Variants in SLC2A12 observed in about 807,000 individuals in gnomAD.
The protein encoded by SLC2A12 is solute carrier family 2 member 12.
Under a neutral mutation model 41.8 loss-of-function variants are expected in SLC2A12, and 23 were observed. That is an observed-to-expected ratio of 0.55 (90% confidence interval 0.40 to 0.78). The LOEUF is 0.78. SLC2A12 is among the 30% of genes least tolerant of loss of function. The pLI is 0.00. For missense variants in SLC2A12, 654 were observed against 745.6 expected, an observed-to-expected ratio of 0.88 and a Z score of 1.43; for synonymous variants, 295 against 285.9, an observed-to-expected ratio of 1.03 and a Z score of -0.32.
intron 1 of SLC2A12, among the ~76,000 whole-genome samples, chr6:134,038,708 T>TG (rs1411126008): frequency 7.6e-6 from 1 of 131,336 alleles, no homozygotes. Flanking sequence ...TCCTTTTTTT[T>TG]TTTTTTTTTT....
At chr6:133,998,132 A>G (rs1354663060) in intron 4 of SLC2A12, among the ~76,000 whole-genome samples, 1 of 152,214 alleles carries the variant, frequency 6.6e-6, no homozygotes, top group Non-Finnish European at 1.5e-5. Flanking sequence ...TTTCAAAAAC[A>G]TTTCCTAAGT....
intron 1 of SLC2A12, among the ~76,000 whole-genome samples, chr6:134,036,252 AC>A (rs1380870729): frequency 4.6e-5 from 7 of 151,454 alleles, no homozygotes; most frequent in African/African-American, 1.7e-4. Flanking sequence ...AGACACCCCC[AC>A]CCCCACTTCA....
intron 4 of SLC2A12, among the ~76,000 whole-genome samples, chr6:133,997,284 C>T (rs771361434): frequency 4.0e-4 from 60 of 151,802 alleles, no homozygotes; most frequent in African/African-American, 1.1e-3. Flanking sequence ...TACCATGTGA[C>T]GCAGCAATCT....
chr6:134,052,573 T>G lies in SLC2A12; in HGVS notation c.-93A>C. The G allele has an allele frequency of 2.0e-4, 166 of 840,508 alleles. No homozygotes were observed. Among genetic ancestry groups the G allele is most frequent in the Non-Finnish European group, 2.9e-4 (151 of 520,040 alleles). The allele number at this position is 840,508 out of a possible 1,614,324, so 52.1% of individuals were successfully genotyped here. A position where few individuals can be genotyped will look rare whatever the true frequency, so the allele number is the denominator to read the frequency against. On this transcript the variant is annotated 5_prime_UTR_variant, in exon 1 of 5. Coordinates refer to ENST00000275230, the MANE Select transcript of SLC2A12 (RefSeq NM_145176.3). Reference sequence around the variant, plus strand: ...GGTCACTTTCCCCATAATAGCATGCTAAAGAAGAGTGTGGGGAAAAACTTC... The same window carrying G: ...GGTCACTTTCCCCATAATAGCATGCGAAAGAAGAGTGTGGGGAAAAACTTC...
intron 1 of SLC2A12, among the ~76,000 whole-genome samples, chr6:134,044,843 C>T (rs1482026092): frequency 6.6e-6 from 1 of 151,502 alleles, no homozygotes; most frequent in African/African-American, 2.4e-5. Context: ...CTCTTTAGTT[C>T]AGCAATCGCT....
chr6:134,037,249 G>A (rs1401686297), intron 1 of SLC2A12, among the ~76,000 whole-genome samples: 1 of 145,174 alleles, frequency 6.9e-6, no homozygotes, highest in Non-Finnish European at 1.5e-5. Context: ...CTGCCTCCCA[G>A]GTTCAAGTGA....
chr6:134,045,204 T>C (rs1031517745), intron 1 of SLC2A12, among the ~76,000 whole-genome samples: 77 of 152,306 alleles, frequency 5.1e-4, no homozygotes, highest in African/African-American at 1.9e-3. Flanking sequence ...AAATACAAGT[T>C]ACATAAAAAG....
At chr6:134,016,958 A>G (rs918078450) in intron 2 of SLC2A12, among the ~76,000 whole-genome samples, 13 of 152,082 alleles carry the variant, frequency 8.5e-5, no homozygotes, top group African/African-American at 3.1e-4. Context: ...TTCTCTTAGG[A>G]AAACCATGAA....
intron 3 of SLC2A12, among the ~76,000 whole-genome samples, chr6:134,002,523 C>T (rs1007203543): frequency 4.6e-5 from 7 of 152,128 alleles, no homozygotes; most frequent in Non-Finnish European, 8.8e-5. Context: ...CACAGTTCCC[C>T]TCTTGGGAAT....
At chr6:134,016,409 T>G (rs1776963295) in intron 2 of SLC2A12, among the ~76,000 whole-genome samples, 1 of 151,758 alleles carries the variant, frequency 6.6e-6, no homozygotes, top group Non-Finnish European at 1.5e-5. Context: ...AAAAAAAAAA[T>G]TATGTGCAGG....
chr6:134,008,115 T>C (rs1483691227), intron 2 of SLC2A12, among the ~76,000 whole-genome samples: 2 of 152,190 alleles, frequency 1.3e-5, no homozygotes, highest in African/African-American at 4.8e-5. Flanking sequence ...ACCAATTACA[T>C]AATTTTATCC....
intron 2 of SLC2A12, among the ~76,000 whole-genome samples, chr6:134,023,305 G>A (rs937194372): frequency 3.3e-5 from 5 of 152,176 alleles, no homozygotes; most frequent in African/African-American, 7.2e-5. Context: ...GCAGATATAG[G>A]AAGGAAACCA....
chr6:134,023,321 G>C (rs1054190407), intron 2 of SLC2A12, among the ~76,000 whole-genome samples: 1 of 152,156 alleles, frequency 6.6e-6, no homozygotes. Context: ...AACCATAAAA[G>C]CAACAGCCGT....
intron 3 of SLC2A12, among the ~76,000 whole-genome samples, chr6:134,005,006 T>A (rs1017906794): frequency 6.6e-6 from 1 of 152,166 alleles, no homozygotes; most frequent in African/African-American, 2.4e-5. Context: ...CTATCGTTTT[T>A]AAAAAAATAA....
At chr6:134,037,208 G>A (rs1777314278) in intron 1 of SLC2A12, among the ~76,000 whole-genome samples, 1 of 138,056 alleles carries the variant, frequency 7.2e-6, no homozygotes, top group African/African-American at 2.8e-5. Context: ...AGGCTGGAGT[G>A]CAGTGGCGCG....
At position 134,052,600 on chromosome 6, in the gene SLC2A12, G is replaced by A. The variant is rs1333429407; in HGVS notation, c.-120C>T. 4.1e-6 allele frequency: 3 copies of A among 738,654 alleles called. No homozygotes were observed. The highest frequency in any genetic ancestry group is 3.5e-5 in the South Asian group (2 of 57,836). The allele number at this position is 738,654 out of a possible 1,614,324, so 45.8% of individuals were successfully genotyped here. On this transcript the variant is annotated 5_prime_UTR_variant, in exon 1 of 5. Transcript: ENST00000275230. ...AAGAAGAGTGTGGGGAAAAACTTCG[G>A]GCAAAGCTAATGTGATTTGTGACCA...
chr6:134,008,394 C>A (rs1449933085), intron 2 of SLC2A12, among the ~76,000 whole-genome samples: 3 of 152,150 alleles, frequency 2.0e-5, no homozygotes, highest in Admixed American at 2.0e-4. Context: ...TACAGGGTTA[C>A]CTTTCATGCA....
At chr6:134,047,051 A>G (rs1333205060) in intron 1 of SLC2A12, among the ~76,000 whole-genome samples, 3 of 152,254 alleles carry the variant, frequency 2.0e-5, no homozygotes, top group Admixed American at 1.3e-4. Context: ...TTTGAAGGGA[A>G]GAAGGGATGA....
intron 2 of SLC2A12, among the ~76,000 whole-genome samples, chr6:134,015,322 G>C (rs141180915): frequency 2.0e-3 from 299 of 152,224 alleles, no homozygotes; most frequent in African/African-American, 6.1e-3. Context: ...AGGAGTGTGT[G>C]GGGGGAAGGA....
Sources: allele counts gnomAD v4.1 joint callset (sites outside exome capture counted in the v4.1 genomes callset), GRCh38; gene constraint gnomAD v4.1.1; transcripts MANE v1.5; gene names NCBI Gene and HGNC (gene_info 2026-07-23, HGNC 2026-07-21).